The following HS3ST2 variants were observed in gnomAD, a reference collection of about 807,000 sequenced individuals.
HS3ST2 encodes heparan sulfate glucosamine 3-O-sulfotransferase 2.
A neutral mutation model predicts 26.3 loss-of-function variants in HS3ST2; 17 were observed. That is an observed-to-expected ratio of 0.65 (90% CI 0.44 to 0.97). HS3ST2 has a LOEUF of 0.97. Among genes scored for constraint, HS3ST2 ranks in the 50% least tolerant of loss-of-function variants. HS3ST2 has a pLI of 0.00. For missense variants in HS3ST2, 402 were observed against 501.2 expected (o/e 0.80, Z 1.89); for synonymous variants, 237 against 219.2 (o/e 1.08, Z -0.72).
chr16:22,877,830 T>C (rs1416464897), intron 1 of HS3ST2, among the ~76,000 whole-genome samples: 1 of 152,176 alleles, frequency 6.6e-6, no homozygotes, highest in African/African-American at 2.4e-5. Context: ...TGCCGTGTAA[T>C]GAGTGCAACA....
rs567392279 is a variant in HS3ST2, at chr16:22,830,250, G to A, written c.485+15155G>A. Among the ~76,000 whole-genome samples the A allele has an allele frequency of 2.6e-5, 4 of 152,312 alleles. No homozygotes were observed. In the East Asian group the frequency reaches 7.7e-4, roughly 29 times the overall value. ...GAGAAGAGCCCATACACTTCTCTTG[G>A]CATCAGCTACCTGAATTGGGTAGAG... On this transcript the variant is annotated intron_variant, in intron 1 of 1. Coordinates refer to ENST00000261374, the MANE Select transcript of HS3ST2 (RefSeq NM_006043.2).
intron 1 of HS3ST2, among the ~76,000 whole-genome samples, chr16:22,837,578 T>TACAC (rs1045004308): frequency 7.1e-6 from 1 of 140,232 alleles, no homozygotes; most frequent in East Asian, 2.1e-4. Context: ...TATATATATA[T>TACAC]ACACACACAC....
chr16:22,823,618 T>TAAA (rs35978909), intron 1 of HS3ST2, among the ~76,000 whole-genome samples: 11 of 137,340 alleles, frequency 8.0e-5, no homozygotes, highest in African/African-American at 2.7e-4. Context: ...ACCTCTTCTC[T>TAAA]AAAAAAAAAA....
chr16:22,837,694 G>A (rs1284863387), intron 1 of HS3ST2, among the ~76,000 whole-genome samples: 1 of 151,242 alleles, frequency 6.6e-6, no homozygotes, highest in Non-Finnish European at 1.5e-5. Context: ...TCAAATTAGG[G>A]ATAGAAGAGT....
intron 1 of HS3ST2, among the ~76,000 whole-genome samples, chr16:22,869,117 C>G (rs115785733): frequency 6.6e-6 from 1 of 151,896 alleles, no homozygotes; most frequent in African/African-American, 2.4e-5. Context: ...TTGGAACAGC[C>G]CGGAAGCCTA....
At chr16:22,815,152 A>T in intron 1 of HS3ST2, 57 bp downstream of exon 1, 1 of 1,593,756 alleles carries the variant, frequency 6.3e-7, no homozygotes, top group East Asian at 2.2e-5. Flanking sequence ...CCATTGGGAG[A>T]GCCATCCGTC....
chr16:22,833,901 GA>G (rs1901211712), intron 1 of HS3ST2, among the ~76,000 whole-genome samples: 1 of 151,542 alleles, frequency 6.6e-6, no homozygotes, highest in Non-Finnish European at 1.5e-5. Context: ...ACTCCTATGG[GA>G]AGTTCTCAAG....
chr16:22,837,863 C>T (rs987268685), intron 1 of HS3ST2, among the ~76,000 whole-genome samples: 1 of 151,892 alleles, frequency 6.6e-6, no homozygotes, highest in East Asian at 1.9e-4. Context: ...GAGATGATCT[C>T]TAACACACTA....
chr16:22,908,369 T>C (rs2035554986), intron 1 of HS3ST2, among the ~76,000 whole-genome samples: 1 of 152,204 alleles, frequency 6.6e-6, no homozygotes, highest in Admixed American at 6.5e-5. Context: ...CCTGCCCTCA[T>C]GTAATTTATA....
At position 22,915,185 on chromosome 16, in the gene HS3ST2, G is replaced by C; in HGVS notation, c.727G>C (p.Val243Leu). ...FRNRTLGLVDVSWNAIRIGMY... is the reference protein window; with the variant it reads ...FRNRTLGLVDLSWNAIRIGMY... ...CAACCGCACCCTGGGCCTGGTGGACGTGTCATGGAACGCCATCCGCATCGG... is the reference window on the plus strand; with the variant it reads ...CAACCGCACCCTGGGCCTGGTGGACCTGTCATGGAACGCCATCCGCATCGG... The change falls in exon 2 of 2, where the codon GTG (valine) becomes CTG (leucine). Residue 243 changes from valine (V) to leucine (L), a missense_variant. Physicochemically the swap from Val to Leu is conservative, Grantham distance 32. Coordinates refer to ENST00000261374, the MANE Select transcript of HS3ST2 (RefSeq NM_006043.2). The C allele has an allele frequency of 2.5e-6, 4 of 1,614,094 alleles. No homozygotes were observed. Among genetic ancestry groups the C allele is most frequent in the Non-Finnish European group, 3.4e-6 (4 of 1,180,026 alleles).
intron 1 of HS3ST2, among the ~76,000 whole-genome samples, chr16:22,894,342 C>T (rs1450742184): frequency 2.0e-5 from 3 of 152,132 alleles, no homozygotes; most frequent in African/African-American, 7.2e-5. Flanking sequence ...CCTCTGCTGC[C>T]CTAATAGGTG....
chr16:22,883,676 A>G (rs1383629974), intron 1 of HS3ST2, among the ~76,000 whole-genome samples: 1 of 152,230 alleles, frequency 6.6e-6, no homozygotes, highest in East Asian at 1.9e-4. Context: ...GTTTGAAGTC[A>G]ACAATTAATG....
intron 1 of HS3ST2, among the ~76,000 whole-genome samples, chr16:22,884,009 A>C (rs1220874274): frequency 6.6e-6 from 1 of 152,312 alleles, no homozygotes; most frequent in East Asian, 1.9e-4. Flanking sequence ...GTCCTGCCCC[A>C]CTGAGGATAA....
At chr16:22,835,901 G>A (rs1414769662) in intron 1 of HS3ST2, among the ~76,000 whole-genome samples, 2 of 151,814 alleles carry the variant, frequency 1.3e-5, no homozygotes, top group Non-Finnish European at 2.9e-5. Context: ...AAAAGTGAGT[G>A]GAATGTTAAA....
rs547996842 is a variant in HS3ST2 at position 22,827,718 on chromosome 16, T to TC, written c.485+12623_485+12624insC. Among the ~76,000 whole-genome samples the TC allele has an allele frequency of 5.5e-4, 81 of 148,600 alleles. 1 individual carries two copies. Among genetic ancestry groups the TC allele is most frequent in the Middle Eastern group, 3.4e-3 (1 of 290 alleles). On this transcript the variant is annotated intron_variant, in intron 1 of 1. Coordinates refer to ENST00000261374, the MANE Select transcript of HS3ST2 (RefSeq NM_006043.2). The stretch of plus-strand genomic sequence containing the variant: ...TATTTCTTTCTTTCTTTCTTTTTTT[T>TC]TTTTTTTTTTTGAGACAAGGTCTTG...
chr16:22,878,134 T>G (rs1901943578), intron 1 of HS3ST2, among the ~76,000 whole-genome samples: 1 of 152,250 alleles, frequency 6.6e-6, no homozygotes, highest in African/African-American at 2.4e-5. Flanking sequence ...AAGGTCCAAG[T>G]GCACTGCTCA....
intron 1 of HS3ST2, among the ~76,000 whole-genome samples, chr16:22,880,854 C>A (rs1273971497): frequency 6.6e-6 from 1 of 151,930 alleles, no homozygotes; most frequent in Non-Finnish European, 1.5e-5. Context: ...CCAATAGACA[C>A]CTTTGCCAGT....
intron 1 of HS3ST2, 149 bp from the exon 2 acceptor site, chr16:22,914,795 G>A: frequency 5.3e-6 from 2 of 374,372 alleles, no homozygotes; most frequent in Admixed American, 3.5e-5. Context: ...AAGATTTAAA[G>A]TGAGTACCTC....
At chr16:22,869,144 T>C (rs1443895532) in intron 1 of HS3ST2, among the ~76,000 whole-genome samples, 1 of 152,044 alleles carries the variant, frequency 6.6e-6, no homozygotes, top group African/African-American at 2.4e-5. Context: ...AGGGGCGCTC[T>C]GTAAAACTAG....
Sources: allele counts gnomAD v4.1 joint callset (sites outside exome capture counted in the v4.1 genomes callset), GRCh38; gene constraint gnomAD v4.1.1; transcripts MANE v1.5; gene names NCBI Gene and HGNC (gene_info 2026-07-23, HGNC 2026-07-21).